Variants in TSNAXIP1 observed in about 807,000 individuals in gnomAD.
TSNAXIP1 encodes the protein translin-associated factor X-interacting protein 1.
TSNAXIP1 carries 89 observed loss-of-function variants against 84.8 expected under a neutral mutation model. The ratio of observed to expected loss-of-function variants is 1.05; its 90% confidence interval spans 0.88 to 1.25. The LOEUF (loss-of-function observed/expected upper bound fraction) is 1.25, where lower values mean the gene tolerates loss of function less well. TSNAXIP1 is among the 50% of genes most tolerant of loss of function. The pLI is 0.00. For missense variants in TSNAXIP1, 874 were observed against 887.6 expected (o/e 0.98, Z 0.20); for synonymous variants, 347 against 335.2 (o/e 1.04, Z -0.39).
At position 67,827,342 on chromosome 16, in the gene TSNAXIP1, A is replaced by G. The variant is rs754030148; in HGVS notation, c.1758A>G (p.Ala586=). ...GCTGGCATCCCAGCAGCAGCAATGC[A>G]GACTTGCTCAACTACCGCTCACTGT... is the stretch of plus-strand genomic sequence containing the variant. The part of the protein sequence containing the change: ...AGGWHPSSSN[A]DLLNYRSLFM... Residue 586 remains alanine, a synonymous_variant, in exon 14 of 16, where the codon GCA becomes GCG. Transcript: ENST00000561639. The G allele has an allele frequency of 3.7e-6, 6 of 1,614,220 alleles. No individual in the cohort carries two copies. The highest frequency in any genetic ancestry group is 5.1e-6 in the Non-Finnish European group (6 of 1,180,042).
At position 67,824,778 on chromosome 16, in the gene TSNAXIP1, A is replaced by G; in HGVS notation, c.677A>G (p.Glu226Gly). ...GAGGAGAAGATTTCATTGCAGAGCGAGGTGAATGGAAGTGGTGTGATGATG... is the reference window on the plus strand; with the variant it reads ...GAGGAGAAGATTTCATTGCAGAGCGGGGTGAATGGAAGTGGTGTGATGATG... Reference protein sequence around the residue: ...KNEEKISLQSEVTKLRKNLAE... With the variant: ...KNEEKISLQSGVTKLRKNLAE... Residue 226 changes from glutamate to glycine, a missense_variant and splice_region_variant, in exon 6 of 16, where the codon GAG (glutamate) becomes GGG (glycine). Physicochemically the swap from Glu to Gly is moderately conservative, Grantham distance 98. Transcript: ENST00000561639. 1 of 1,613,312 alleles carries G rather than the reference A, an allele frequency of 6.2e-7. No individual in the cohort carries two copies. Among genetic ancestry groups the G allele is most frequent in the Non-Finnish European group, 8.5e-7 (1 of 1,179,468 alleles).
intron 1 of TSNAXIP1, among the ~76,000 whole-genome samples, chr16:67,810,423 A>G (rs2055947028): frequency 6.6e-6 from 1 of 152,034 alleles, no homozygotes; most frequent in South Asian, 2.1e-4. Context: ...GTTCGAGACC[A>G]GCCTGACCAA....
chr16:67,822,218 G>A (rs1410260337), intron 4 of TSNAXIP1, among the ~76,000 whole-genome samples: 1 of 149,500 alleles, frequency 6.7e-6, no homozygotes, highest in Non-Finnish European at 1.5e-5. Flanking sequence ...GGCGGAGCTT[G>A]CAGTGAGCCA....
intron 8 of TSNAXIP1, 32 bp from the exon 9 acceptor site, chr16:67,825,885 T>C: frequency 6.2e-7 from 1 of 1,613,462 alleles, no homozygotes; most frequent in Non-Finnish European, 8.5e-7. Flanking sequence ...GTCTCACAGG[T>C]GGGGGGCCAG....
chr16:67,826,002 G>A lies in TSNAXIP1; in HGVS notation c.1070G>A (p.Arg357Gln), dbSNP rs781221477. 2.7e-5 allele frequency: 43 copies of A among 1,613,926 alleles called. No individual in the cohort carries two copies. The highest frequency in any genetic ancestry group is 1.6e-4 in the Middle Eastern group (1 of 6,084). The part of the protein sequence containing the change: ...MQLHMSTLKE[R>Q]DQFFSELQEI... ...CTGCACATGAGCACGCTGAAGGAAC[G>A]GGACCAATTCTTCTCTGAGCTGCAG... Residue 357 changes from arginine (R) to glutamine (Q), a missense_variant, in exon 9 of 16, where the codon CGG becomes CAG. Physicochemically the swap from Arg to Gln is conservative, Grantham distance 43. Coordinates refer to ENST00000561639, the MANE Select transcript of TSNAXIP1 (RefSeq NM_001288990.3).
At chr16:67,824,018 C>CAAAAAA (rs10674785) in intron 5 of TSNAXIP1, among the ~76,000 whole-genome samples, 3 of 89,116 alleles carry the variant, frequency 3.4e-5, no homozygotes, top group South Asian at 4.3e-4. Context: ...GACTCCATCG[C>CAAAAAA]AAAAAAAAAA....
At chr16:67,822,590 G>A (rs1219340569) in intron 4 of TSNAXIP1, among the ~76,000 whole-genome samples, 1 of 151,862 alleles carries the variant, frequency 6.6e-6, no homozygotes, top group Non-Finnish European at 1.5e-5. Context: ...GAGAGAGAGA[G>A]ATCAGATCCA....
At position 67,827,069 on chromosome 16, in the gene TSNAXIP1, T is replaced by A. The variant is rs2057510764; in HGVS notation, c.1661T>A (p.Phe554Tyr). The A allele has an allele frequency of 6.2e-7, 1 of 1,613,650 alleles. No homozygotes were observed. Among genetic ancestry groups the A allele is most frequent in the Admixed American group, 1.7e-5 (1 of 59,984 alleles). The part of the protein sequence containing the change: ...QNEGLLTMEQ[F>Y]NTVLKSTFPL... ...GAGGGGCTACTAACCATGGAGCAGT[T>A]CAAGTGAGAGGCCAGTCCAGGCTAC... Residue 554 changes from phenylalanine to tyrosine, a missense_variant, in exon 13 of 16, where the codon TTC becomes TAC. Physicochemically the swap from Phe to Tyr is conservative, Grantham distance 22 (BLOSUM62 3). Transcript: ENST00000561639.
chr16:67,824,018 CAA>C (rs10674785), intron 5 of TSNAXIP1, among the ~76,000 whole-genome samples: 4 of 89,152 alleles, frequency 4.5e-5, no homozygotes, highest in Non-Finnish European at 8.2e-5. Flanking sequence ...GACTCCATCG[CAA>C]AAAAAAAAAA....
chr16:67,826,351 C>T lies in TSNAXIP1; in HGVS notation c.1275+69C>T, dbSNP rs1324330611. Reference sequence around the variant, plus strand: ...AGCCATGCCCTGCTGCTCAGACAAGCTTTTGGGGAACCAACTGGGGATCTT... The same window carrying T: ...AGCCATGCCCTGCTGCTCAGACAAGTTTTTGGGGAACCAACTGGGGATCTT... On this transcript the variant is annotated intron_variant, in intron 10 of 15. Transcript: ENST00000561639. 12 of 1,602,648 alleles carry T rather than the reference C, an allele frequency of 7.5e-6. No homozygotes were observed. The South Asian group carries it at 1.0e-4, about 13-fold the overall frequency.
chr16:67,825,639 C>A (rs756070478), intron 7 of TSNAXIP1, 28 bp from the exon 8 acceptor site: 4 of 1,589,752 alleles, frequency 2.5e-6, no homozygotes, highest in Admixed American at 1.7e-5. Flanking sequence ...CACGGTGACA[C>A]GGGCTGGTGG....
Position 67,825,203 on chromosome 16 carries a change from A to C in TSNAXIP1, c.745A>C (p.Lys249Gln), listed in dbSNP as rs1397102258. 6.2e-7 allele frequency: 1 copy of C among 1,614,186 alleles called. No homozygotes were observed. The highest frequency in any genetic ancestry group is 1.1e-5 in the South Asian group (1 of 91,088). The change falls in exon 7 of 16, where the codon AAG (lysine) becomes CAG (glutamine). Residue 249 changes from lysine (K) to glutamine (Q), a missense_variant. By Grantham distance (53) the Lys-to-Gln change is moderately conservative (BLOSUM62 1). Transcript: ENST00000561639. Reference protein sequence around the residue: ...LHYLSERDACKILIADLNELR... With the variant: ...LHYLSERDACQILIADLNELR... The stretch of plus-strand genomic sequence containing the variant: ...CTACCTCAGTGAGCGAGATGCCTGT[A>C]AGATCCTCATCGCAGACCTGAATGA...
Position 67,825,718 on chromosome 16 carries a change from G to A in TSNAXIP1, c.866G>A (p.Arg289Gln), listed in dbSNP as rs754752368. ...VKLTLALKMT[R>Q]QDLTRTQMEL... ...TTAACCCTGGCTCTTAAGATGACCCGGCAAGACCTGACCCGCACGCAGATG... is the reference window on the plus strand; with the variant it reads ...TTAACCCTGGCTCTTAAGATGACCCAGCAAGACCTGACCCGCACGCAGATG... The change falls in exon 8 of 16, where the codon CGG becomes CAG. Residue 289 changes from arginine (R) to glutamine (Q), a missense_variant. Coordinates refer to ENST00000561639, the MANE Select transcript of TSNAXIP1 (RefSeq NM_001288990.3). 19 of 1,614,016 alleles carry A rather than the reference G, an allele frequency of 1.2e-5. No homozygotes were observed. Among genetic ancestry groups the A allele is most frequent in the Admixed American group, 3.3e-5 (2 of 59,980 alleles).
At chr16:67,816,714 G>C (rs1463024744) in intron 2 of TSNAXIP1, among the ~76,000 whole-genome samples, 1 of 152,016 alleles carries the variant, frequency 6.6e-6, no homozygotes, top group Non-Finnish European at 1.5e-5. Flanking sequence ...GTTCCCTCCC[G>C]CCGTCCCTCC....
At position 67,826,785 on chromosome 16, in the gene TSNAXIP1, A is replaced by C; in HGVS notation, c.1495A>C (p.Ile499Leu). Residue 499 changes from isoleucine (I) to leucine (L), a missense_variant, in exon 12 of 16, where the codon ATC becomes CTC. By Grantham distance (5) the Ile-to-Leu change is conservative. Transcript: ENST00000561639. ...MAWAYTIFEN[I>L]KIFHSNEVMS... is the part of the protein sequence containing the mutation. ...CTGGGCTTATACTATTTTTGAAAAT[A>C]TCAAGATCTTCCACTCCAACGAGGT... is the stretch of plus-strand genomic sequence containing the variant. The C allele has an allele frequency of 6.2e-7, 1 of 1,614,144 alleles. No individual in the cohort carries two copies. Among genetic ancestry groups the C allele is most frequent in the East Asian group, 2.2e-5 (1 of 44,880 alleles).
chr16:67,812,535 G>A (rs1043183554), intron 1 of TSNAXIP1, among the ~76,000 whole-genome samples: 3 of 151,396 alleles, frequency 2.0e-5, no homozygotes, highest in Non-Finnish European at 4.4e-5. Flanking sequence ...GCACGGTAGC[G>A]TGCACCTGTA....
At chr16:67,822,007 G>A (rs149139464) in intron 4 of TSNAXIP1, among the ~76,000 whole-genome samples, 79 of 147,554 alleles carry the variant, frequency 5.4e-4, no homozygotes, top group African/African-American at 1.8e-3. Flanking sequence ...GGCCAGGCAC[G>A]GTGGCTCACA....
chr16:67,809,207 C>T (rs1352539276), intron 1 of TSNAXIP1, among the ~76,000 whole-genome samples: 11 of 132,386 alleles, frequency 8.3e-5, no homozygotes, highest in Admixed American at 2.5e-4. Flanking sequence ...TGGTGGCTCA[C>T]GCCTGTAATC....
intron 4 of TSNAXIP1, among the ~76,000 whole-genome samples, chr16:67,823,282 C>T (rs1385213975): frequency 1.3e-5 from 2 of 152,240 alleles, no homozygotes; most frequent in African/African-American, 2.4e-5. Context: ...CAGTGGCTCA[C>T]ACCTGTAATC....
Sources: gnomAD v4.1 joint callset for allele counts (sites outside exome capture counted in the v4.1 genomes callset) on GRCh38, gnomAD v4.1.1 for gene constraint, MANE v1.5 for transcripts, NCBI Gene and HGNC (gene_info 2026-07-23, HGNC 2026-07-21) for gene names.